The following TMEM132B variants were observed in gnomAD, a reference collection of about 807,000 sequenced individuals.
The protein encoded by TMEM132B is transmembrane protein 132B.
Under a neutral mutation model 90.8 loss-of-function variants are expected in TMEM132B, and 18 were observed. That is an observed-to-expected ratio of 0.20 (90% CI 0.14 to 0.29). TMEM132B has a LOEUF of 0.29. TMEM132B is among the 10% of genes least tolerant of loss of function. TMEM132B has a pLI of 1.00. For missense variants in TMEM132B, 1,096 were observed against 1,326.8 expected (o/e 0.83, Z 2.70); for synonymous variants, 504 against 523.3 (o/e 0.96, Z 0.50).
chr12:125,435,231 C>G (rs190288976), intron 3 of TMEM132B, among the ~76,000 whole-genome samples: 14 of 152,342 alleles, frequency 9.2e-5, no homozygotes, highest in Non-Finnish European at 1.8e-4. Flanking sequence ...CCCACTTGCT[C>G]TTCTGAATTA....
intron 5 of TMEM132B, among the ~76,000 whole-genome samples, chr12:125,610,556 T>C (rs1475469550): frequency 6.6e-6 from 1 of 152,146 alleles, no homozygotes; most frequent in East Asian, 1.9e-4. Flanking sequence ...GATTTTCTGA[T>C]GTCAAACTAA....
intron 1 of TMEM132B, among the ~76,000 whole-genome samples, chr12:125,333,004 G>A (rs1876836096): frequency 6.6e-6 from 1 of 152,188 alleles, no homozygotes; most frequent in African/African-American, 2.4e-5. Context: ...TAACTCGGTG[G>A]CTTAAAACAA....
chr12:125,336,369 G>A (rs375348222), intron 1 of TMEM132B, among the ~76,000 whole-genome samples: 4 of 152,280 alleles, frequency 2.6e-5, no homozygotes, highest in Middle Eastern at 3.4e-3. Flanking sequence ...CACAGGTACC[G>A]AGGCTTCTTT....
chr12:125,461,468 C>T (rs1881434456), intron 3 of TMEM132B, among the ~76,000 whole-genome samples: 1 of 152,230 alleles, frequency 6.6e-6, no homozygotes, highest in Non-Finnish European at 1.5e-5. Flanking sequence ...CCCCTCTAAC[C>T]AGGAGATGCC....
At chr12:125,307,854 AT>A in intron 1 of TMEM132B, among the ~76,000 whole-genome samples, 1 of 48,872 alleles carries the variant, frequency 2.0e-5, no homozygotes, top group Non-Finnish European at 4.1e-5. Flanking sequence ...ATATACTTAT[AT>A]ATTTATATAT....
chr12:125,232,088 G>C (rs1440516529), intron 1 of TMEM132B, among the ~76,000 whole-genome samples: 2 of 152,090 alleles, frequency 1.3e-5, no homozygotes, highest in African/African-American at 4.8e-5. Flanking sequence ...CGCATATATA[G>C]ATCTACCTTA....
intron 3 of TMEM132B, among the ~76,000 whole-genome samples, chr12:125,474,341 G>A (rs1881814615): frequency 7.3e-6 from 1 of 137,080 alleles, no homozygotes. Flanking sequence ...TGTTGCCCAG[G>A]CTGAACTGCA....
intron 1 of TMEM132B, among the ~76,000 whole-genome samples, chr12:125,192,469 T>TG (rs5801587): frequency 0.28 from 42,748 of 151,990 alleles, 6,373 homozygotes; most frequent in East Asian, 0.47. Context: ...TGGAGAATTT[T>TG]CCCCTCCCCC....
intron 1 of TMEM132B, among the ~76,000 whole-genome samples, chr12:125,291,052 C>T (rs540916493): frequency 2.0e-5 from 3 of 152,312 alleles, no homozygotes; most frequent in Admixed American, 2.0e-4. Context: ...AAATGCTAAT[C>T]CCCAATGCGG....
At chr12:125,547,019 A>C (rs943326718) in intron 4 of TMEM132B, among the ~76,000 whole-genome samples, 1 of 152,298 alleles carries the variant, frequency 6.6e-6, no homozygotes, top group Admixed American at 6.5e-5. Flanking sequence ...AAACCATCAG[A>C]TCTCGTGAGA....
intron 3 of TMEM132B, among the ~76,000 whole-genome samples, chr12:125,428,115 C>T (rs1880378160): frequency 6.6e-6 from 1 of 152,092 alleles, no homozygotes; most frequent in African/African-American, 2.4e-5. Context: ...CCTCAGCCTC[C>T]CAGGTAGCTG....
intron 1 of TMEM132B, among the ~76,000 whole-genome samples, chr12:125,270,420 T>A (rs1874809291): frequency 6.6e-6 from 1 of 152,180 alleles, no homozygotes; most frequent in South Asian, 2.1e-4. Flanking sequence ...TTATGTTAAC[T>A]TGGGTTCCCT....
At chr12:125,546,782 G>A (rs1884103742) in intron 4 of TMEM132B, among the ~76,000 whole-genome samples, 2 of 152,090 alleles carry the variant, frequency 1.3e-5, no homozygotes, top group African/African-American at 4.8e-5. Context: ...TTTCTCTTGG[G>A]TATATACCTA....
chr12:125,328,344 T>C (rs888101665), intron 1 of TMEM132B, among the ~76,000 whole-genome samples: 18 of 152,214 alleles, frequency 1.2e-4, no homozygotes, highest in Non-Finnish European at 8.8e-5. Flanking sequence ...CTGCCCATGC[T>C]GTTTCCTCTG....
At chr12:125,233,636 G>A (rs1372057744) in intron 1 of TMEM132B, among the ~76,000 whole-genome samples, 1 of 152,204 alleles carries the variant, frequency 6.6e-6, no homozygotes, top group African/African-American at 2.4e-5. Flanking sequence ...ACAAGAAAGG[G>A]GTGGAAGGAT....
intron 3 of TMEM132B, among the ~76,000 whole-genome samples, chr12:125,468,260 TG>T (rs763118327): frequency 6.6e-6 from 1 of 151,800 alleles, no homozygotes; most frequent in Non-Finnish European, 1.5e-5. Flanking sequence ...TCCACATCCT[TG>T]TCAATATTTT....
chr12:125,581,539 G>A (rs905104997), intron 4 of TMEM132B, among the ~76,000 whole-genome samples: 30 of 152,132 alleles, frequency 2.0e-4, no homozygotes, highest in African/African-American at 6.3e-4. Flanking sequence ...GCTTTTCTGC[G>A]AAGTCTGACT....
intron 4 of TMEM132B, among the ~76,000 whole-genome samples, chr12:125,552,212 C>T (rs556993412): frequency 6.6e-6 from 1 of 152,350 alleles, no homozygotes; most frequent in East Asian, 1.9e-4. Context: ...GTAGCTGGCT[C>T]TAAGCTCCTA....
intron 5 of TMEM132B, chr12:125,622,675 G>A: frequency 1.0e-6 from 1 of 985,350 alleles, no homozygotes; most frequent in Non-Finnish European, 1.2e-6. Context: ...GAACAGATCT[G>A]AAGCTCTGCC....
Sources: allele counts gnomAD v4.1 joint callset (sites outside exome capture counted in the v4.1 genomes callset), GRCh38; gene constraint gnomAD v4.1.1; transcripts MANE v1.5; gene names NCBI Gene and HGNC (gene_info 2026-07-23, HGNC 2026-07-21).